IPPK: variants seen among roughly 807,000 people sequenced by gnomAD.
The protein encoded by IPPK is inositol-pentakisphosphate 2-kinase, also known as IPK1 homolog.
A neutral mutation model predicts 64.6 loss-of-function variants in IPPK; 22 were observed. That is an observed-to-expected ratio of 0.34 (90% CI 0.24 to 0.49). The LOEUF (loss-of-function observed/expected upper bound fraction) is 0.49. Ranked by LOEUF, IPPK falls within the 20% of genes least tolerant of loss-of-function variation. The probability of loss-of-function intolerance (pLI) is 0.99; values close to 1 mark genes in which losing one functional copy is unlikely to be tolerated. For synonymous variants in IPPK, 262 were observed against 247.2 expected (o/e 1.06, Z -0.56); for missense variants, 532 against 630.7 (o/e 0.84, Z 1.68).
chr9:92,623,685 C>G (rs2131421641), intron 11 of IPPK, among the ~76,000 whole-genome samples: 1 of 152,318 alleles, frequency 6.6e-6, no homozygotes, highest in East Asian at 1.9e-4. Context: ...TACCACTACA[C>G]ACACACCAGA....
At chr9:92,618,053 A>G in intron 12 of IPPK, 2 of 352,856 alleles carry the variant, frequency 5.7e-6, no homozygotes, top group Non-Finnish European at 1.1e-5. Context: ...GATAAATCCC[A>G]GCCTTAGTTT....
intron 11 of IPPK, among the ~76,000 whole-genome samples, chr9:92,623,361 G>A: frequency 6.6e-6 from 1 of 151,734 alleles, no homozygotes; most frequent in East Asian, 1.9e-4. Context: ...GTGAACCCGG[G>A]AGACGGAGCT....
chr9:92,658,230 A>G (rs1372646588), intron 2 of IPPK, among the ~76,000 whole-genome samples: 1 of 152,186 alleles, frequency 6.6e-6, no homozygotes, highest in Non-Finnish European at 1.5e-5. Context: ...TCCCACCACA[A>G]TGTTTAACAC....
intron 4 of IPPK, among the ~76,000 whole-genome samples, chr9:92,649,790 G>A (rs1409709792): frequency 6.6e-6 from 1 of 152,166 alleles, no homozygotes; most frequent in Non-Finnish European, 1.5e-5. Context: ...CACTTTGGGA[G>A]GCCAAGGCAG....
chr9:92,625,173 T>C (rs1477373890), intron 11 of IPPK, among the ~76,000 whole-genome samples: 2 of 152,246 alleles, frequency 1.3e-5, no homozygotes, highest in African/African-American at 4.8e-5. Context: ...CTTTCTGTAT[T>C]TGCTAGTATT....
chr9:92,644,659 C>CT (rs1336714411), intron 6 of IPPK, among the ~76,000 whole-genome samples: 1 of 152,204 alleles, frequency 6.6e-6, no homozygotes, highest in Non-Finnish European at 1.5e-5. Context: ...AACCCACTAG[C>CT]TGCCCACTAA....
chr9:92,658,658 C>T lies in IPPK; in HGVS notation c.105G>A (p.Leu35=), dbSNP rs779060730. The change falls in exon 2 of 13, where the codon CTG becomes CTA. Residue 35 remains leucine (L), a synonymous_variant. Transcript: ENST00000287996. ...HAQRCVVLRF[L]KFPPNRKKTS... ...CCTTCTTCCTATTTGGAGGAAACTT[C>T]AGAAACCGCAGCACGACGCAGCGCT... 6 of 1,613,976 alleles carry T rather than the reference C, an allele frequency of 3.7e-6. No individual in the cohort carries two copies. The highest frequency in any genetic ancestry group is 5.1e-6 in the Non-Finnish European group (6 of 1,179,960).
intron 11 of IPPK, among the ~76,000 whole-genome samples, chr9:92,631,030 C>T (rs1186803294): frequency 2.6e-5 from 4 of 152,146 alleles, no homozygotes; most frequent in Non-Finnish European, 4.4e-5. Context: ...CTACAGTGGC[C>T]AGGCCGGGTA....
chr9:92,629,785 A>G (rs947448983), intron 11 of IPPK, among the ~76,000 whole-genome samples: 1 of 152,196 alleles, frequency 6.6e-6, no homozygotes, highest in African/African-American at 2.4e-5. Context: ...GGCAACAAGC[A>G]CATGAAAAGA....
intron 1 of IPPK, among the ~76,000 whole-genome samples, chr9:92,662,252 G>A (rs1408313191): frequency 2.6e-5 from 4 of 152,260 alleles, no homozygotes; most frequent in East Asian, 1.9e-4. Flanking sequence ...AGGGCCAGGC[G>A]CGGTGGCTCA....
At chr9:92,631,154 A>T (rs538547067) in intron 11 of IPPK, among the ~76,000 whole-genome samples, 8 of 152,132 alleles carry the variant, frequency 5.3e-5, no homozygotes, top group African/African-American at 1.9e-4. Flanking sequence ...ACTGAAATGA[A>T]GACAATATTC....
chr9:92,641,959 AC>A (rs1401583214), intron 7 of IPPK, among the ~76,000 whole-genome samples: 1 of 152,238 alleles, frequency 6.6e-6, no homozygotes, highest in East Asian at 1.9e-4. Context: ...CAACAAAGGC[AC>A]ACAAATCTAC....
At chr9:92,619,270 T>G in intron 12 of IPPK, 1 of 543,260 alleles carries the variant, frequency 1.8e-6, no homozygotes, top group Admixed American at 3.0e-5. Context: ...ACAATCCTTT[T>G]AAGTTATTCT....
At chr9:92,631,636 CTA>C (rs1252520687) in intron 11 of IPPK, among the ~76,000 whole-genome samples, 3 of 152,354 alleles carry the variant, frequency 2.0e-5, no homozygotes, top group East Asian at 3.8e-4. Flanking sequence ...GCAGGCCCTT[CTA>C]TGACAGCACG....
rs1202888663 is a variant in IPPK, at chr9:92,640,853, C to T, written c.564-71G>A. On this transcript the variant is annotated intron_variant, in intron 7 of 12. Coordinates refer to ENST00000287996, the MANE Select transcript of IPPK (RefSeq NM_022755.6). ...ACCTGTCCCTGCACACACACCTGCTCGTGGCTCAGAGGACATGCTGGGTAC... is the reference window on the plus strand; with the variant it reads ...ACCTGTCCCTGCACACACACCTGCTTGTGGCTCAGAGGACATGCTGGGTAC... 13 of 1,086,082 alleles carry T rather than the reference C, an allele frequency of 1.2e-5. No individual in the cohort carries two copies. The African/African-American group carries it at 1.5e-4, about 13-fold the overall frequency. The allele number at this position is 1,086,082 out of a possible 1,614,324, so 67.3% of individuals were successfully genotyped here.
chr9:92,667,036 G>A (rs1333680529), intron 1 of IPPK, among the ~76,000 whole-genome samples: 1 of 152,250 alleles, frequency 6.6e-6, no homozygotes, highest in African/African-American at 2.4e-5. Flanking sequence ...TGCAGGACGA[G>A]CTCAGGCTGG....
At chr9:92,629,268 T>G (rs1451585503) in intron 11 of IPPK, among the ~76,000 whole-genome samples, 1 of 152,138 alleles carries the variant, frequency 6.6e-6, no homozygotes, top group Non-Finnish European at 1.5e-5. Context: ...ACACCAAAAG[T>G]ATGAACAACC....
At chr9:92,669,362 TGAG>T (rs749584068) in intron 1 of IPPK, among the ~76,000 whole-genome samples, 1 of 152,232 alleles carries the variant, frequency 6.6e-6, no homozygotes, top group Non-Finnish European at 1.5e-5. Context: ...TCTAAAAGGT[TGAG>T]AAGAGGACCT....
chr9:92,659,520 T>C (rs1852438505), intron 1 of IPPK, among the ~76,000 whole-genome samples: 1 of 152,214 alleles, frequency 6.6e-6, no homozygotes, highest in South Asian at 2.1e-4. Flanking sequence ...ATTTTTTAAA[T>C]GTTCAAAAAA....
Sources: gnomAD v4.1 joint callset for allele counts (sites outside exome capture counted in the v4.1 genomes callset) on GRCh38, gnomAD v4.1.1 for gene constraint, MANE v1.5 for transcripts, NCBI Gene and HGNC (gene_info 2026-07-23, HGNC 2026-07-21) for gene names.